Variants in NOVA1 observed in about 807,000 individuals in gnomAD.
NOVA1 encodes RNA-binding protein Nova-1.
Under a neutral mutation model 38.0 loss-of-function variants are expected in NOVA1, and 7 were observed. The observed-to-expected ratio is 0.18, with a 90% CI of 0.10 to 0.35. The LOEUF is 0.35. Among genes scored for constraint, NOVA1 ranks in the 10% least tolerant of loss-of-function variants. The pLI is 1.00. For missense variants in NOVA1, 460 were observed against 616.0 expected (o/e 0.75, Z 2.68); for synonymous variants, 270 against 232.5 (o/e 1.16, Z -1.47).
chr14:26,448,031 A>G lies in NOVA1; in HGVS notation c.1452T>C (p.Ala484=), dbSNP rs1474063831. The G allele has an allele frequency of 1.2e-6, 2 of 1,614,178 alleles. No individual in the cohort carries two copies. The highest frequency in any genetic ancestry group is 1.7e-5 in the Admixed American group (1 of 60,008). The change falls in exon 5 of 5, where the codon GCT becomes GCC. Residue 484 remains alanine, a synonymous_variant. Coordinates refer to ENST00000539517, the MANE Select transcript of NOVA1 (RefSeq NM_002515.3). This position sits in a 1 kb window ranked among gnomAD's most constrained non-coding sequence, Gnocchi z 5.3. ...TGATCCTTTGTGTAATTAAATATTG[A>G]GCAGCCTGTGTTGCAGCTGGTGTTC... ...ITGTPAATQA[A]QYLITQRITY...
At chr14:26,562,487 A>G (rs1891886900) in intron 2 of NOVA1, among the ~76,000 whole-genome samples, 1 of 152,178 alleles carries the variant, frequency 6.6e-6, no homozygotes, top group Non-Finnish European at 1.5e-5. Flanking sequence ...CTCCCTTCTG[A>G]AACATCACTA....
At chr14:26,505,208 A>G (rs178189) in intron 2 of NOVA1, among the ~76,000 whole-genome samples, 2 of 152,044 alleles carry the variant, frequency 1.3e-5, no homozygotes, top group Non-Finnish European at 2.9e-5. Flanking sequence ...TGAATGAGCT[A>G]AACGGTAAAT....
intron 2 of NOVA1, among the ~76,000 whole-genome samples, chr14:26,512,198 C>A (rs1888150633): frequency 6.6e-6 from 1 of 152,116 alleles, no homozygotes; most frequent in African/African-American, 2.4e-5. Flanking sequence ...CTGAATTACT[C>A]AAAAATATTT....
intron 2 of NOVA1, among the ~76,000 whole-genome samples, chr14:26,587,014 A>T (rs1215960867): frequency 6.6e-6 from 1 of 150,776 alleles, no homozygotes; most frequent in Non-Finnish European, 1.5e-5. Flanking sequence ...GGAAAAAAAA[A>T]GTAGAACAAA....
In NOVA1 at chr14:26,597,816, C is replaced by T; in HGVS notation, c.-380G>A. 2.7e-6 allele frequency: 1 copy of T among 370,536 alleles called. No individual in the cohort carries two copies. The highest frequency in any genetic ancestry group is 3.6e-6 in the Non-Finnish European group (1 of 274,006). The allele number at this position is 370,536 out of a possible 1,614,324, so 23.0% of individuals were successfully genotyped here. ...GACAGGCAGAGGGAGTGGGAGAGCG[C>T]GAGGGCTGGCGGGGCGCGGGGAGAA... On this transcript the variant is annotated 5_prime_UTR_variant, in exon 1 of 5. Transcript: ENST00000539517.
chr14:26,479,137 C>G (rs1364103760), intron 3 of NOVA1: 1 of 151,830 alleles, frequency 6.6e-6, no homozygotes, highest in African/African-American at 2.4e-5. Flanking sequence ...AAGAATAATA[C>G]ATTTCTTTTG....
chr14:26,529,128 C>CTTT (rs5807368), intron 2 of NOVA1, among the ~76,000 whole-genome samples: 1 of 146,006 alleles, frequency 6.8e-6, no homozygotes, highest in Non-Finnish European at 1.5e-5. Flanking sequence ...AGTGGTTATG[C>CTTT]TTTTTTTTTT....
At chr14:26,528,489 G>A (rs1052782530) in intron 2 of NOVA1, among the ~76,000 whole-genome samples, 1 of 152,154 alleles carries the variant, frequency 6.6e-6, no homozygotes, top group African/African-American at 2.4e-5. Flanking sequence ...TGAAACAATT[G>A]CTGCAGGGAC....
intron 2 of NOVA1, among the ~76,000 whole-genome samples, chr14:26,564,499 T>C (rs1270798926): frequency 6.6e-6 from 1 of 152,152 alleles, no homozygotes; most frequent in Non-Finnish European, 1.5e-5. Flanking sequence ...TTCATGTGGA[T>C]ACTAAGTGGC....
intron 4 of NOVA1, among the ~76,000 whole-genome samples, chr14:26,465,842 T>C (rs1041772512): frequency 5.9e-5 from 9 of 152,138 alleles, no homozygotes; most frequent in East Asian, 1.9e-4. Flanking sequence ...AAAAACCCTA[T>C]CCTCATGCAA....
At chr14:26,597,243 G>C (rs949073632) in intron 1 of NOVA1, 58 bp downstream of exon 1, 2 of 1,189,876 alleles carry the variant, frequency 1.7e-6, no homozygotes, top group African/African-American at 3.2e-5. Context: ...GGCGAGGGAG[G>C]GAGGCAGGGG....
At chr14:26,475,831 G>A (rs956672569) in intron 3 of NOVA1, among the ~76,000 whole-genome samples, 1 of 152,072 alleles carries the variant, frequency 6.6e-6, no homozygotes, top group African/African-American at 2.4e-5. Context: ...ATGAATTCTT[G>A]TTAACAAATG....
At chr14:26,515,097 G>A (rs1888367766) in intron 2 of NOVA1, among the ~76,000 whole-genome samples, 1 of 151,818 alleles carries the variant, frequency 6.6e-6, no homozygotes, top group Non-Finnish European at 1.5e-5. Context: ...GAACAAAAGT[G>A]GACAATAATT....
intron 2 of NOVA1, among the ~76,000 whole-genome samples, chr14:26,529,671 T>C (rs1163925957): frequency 2.0e-5 from 3 of 152,194 alleles, no homozygotes; most frequent in Non-Finnish European, 4.4e-5. Context: ...TCTCCCAGGT[T>C]CTAATGAGGT....
At chr14:26,548,427 C>G (rs1594513277) in intron 2 of NOVA1, among the ~76,000 whole-genome samples, 1 of 151,736 alleles carries the variant, frequency 6.6e-6, no homozygotes, top group Non-Finnish European at 1.5e-5. Flanking sequence ...TTAAAGTTAC[C>G]TAAACCAAAT....
chr14:26,508,777 TTTAA>T (rs1398423011), intron 2 of NOVA1, among the ~76,000 whole-genome samples: 1 of 151,918 alleles, frequency 6.6e-6, no homozygotes, highest in Non-Finnish European at 1.5e-5. Flanking sequence ...ACCCTAAAAA[TTTAA>T]TTAATAAATA....
intron 4 of NOVA1, among the ~76,000 whole-genome samples, chr14:26,468,068 T>A (rs1480250572): frequency 6.6e-6 from 1 of 152,132 alleles, no homozygotes; most frequent in Non-Finnish European, 1.5e-5. Flanking sequence ...GATTAAATTA[T>A]GTTGTAGGGT....
intron 2 of NOVA1, among the ~76,000 whole-genome samples, chr14:26,526,680 G>C (rs1889322054): frequency 6.6e-6 from 1 of 152,022 alleles, no homozygotes; most frequent in Non-Finnish European, 1.5e-5. Flanking sequence ...AATACTGGGT[G>C]GTAAATTGCA....
intron 2 of NOVA1, chr14:26,593,774 G>C (rs1335156710): frequency 7.2e-5 from 11 of 151,946 alleles, no homozygotes; most frequent in Admixed American, 3.9e-4. Context: ...CCAACCCACT[G>C]AAAATAAACT....
Sources: allele counts gnomAD v4.1 joint callset (sites outside exome capture counted in the v4.1 genomes callset), GRCh38; gene constraint gnomAD v4.1.1; non-coding constraint Gnocchi (gnomAD v3.1); transcripts MANE v1.5; gene names NCBI Gene and HGNC (gene_info 2026-07-23, HGNC 2026-07-21).